The following ZNF469 variants were observed in gnomAD, a reference collection of about 807,000 sequenced individuals.
ZNF469 encodes the protein zinc finger protein 469.
A neutral mutation model predicts 1.0 loss-of-function variants in ZNF469; 1 was observed. That is an observed-to-expected ratio of 1.00 (90% CI 0.35 to 4.73). The LOEUF (loss-of-function observed/expected upper bound fraction) is 4.73, where lower values mean the gene tolerates loss of function less well. ZNF469 is among the 30% of genes most tolerant of loss of function. ZNF469 has a pLI of 0.16. For synonymous variants in ZNF469, 2,703 were observed against 2,363.4 expected, an observed-to-expected ratio of 1.14 and a Z score of -4.17; for missense variants, 6,100 against 5,356.3, an observed-to-expected ratio of 1.14 and a Z score of -4.33.
chr16:88,416,853 G>T (rs534821855), intron 1 of ZNF469, among the ~76,000 whole-genome samples: 1 of 152,202 alleles, frequency 6.6e-6, no homozygotes, highest in Non-Finnish European at 1.5e-5. Flanking sequence ...CCCGGGAGGG[G>T]TACCCAGGGC....
the ZNF469 span, chr16:88,193,462 G>A: frequency 6.6e-6 from 1 of 152,276 alleles, no homozygotes; most frequent in Non-Finnish European, 1.5e-5. Context: ...ACTTCGGAAG[G>A]CTGAGGCTGG....
chr16:88,414,683 C>G (rs987694126), intron 1 of ZNF469, among the ~76,000 whole-genome samples: 1 of 152,264 alleles, frequency 6.6e-6, no homozygotes, highest in African/African-American at 2.4e-5. Flanking sequence ...CTCTCGAGAA[C>G]AGGCCGAACC....
At chr16:88,378,955 C>G (rs1260003766), upstream of ZNF469, among the ~76,000 whole-genome samples, 1 of 152,342 alleles carries the variant, frequency 6.6e-6, no homozygotes, top group African/African-American at 2.4e-5. Flanking sequence ...GGGGTGCGGC[C>G]TTGCTCTCAA....
At chr16:88,158,311 C>T in the ZNF469 span, among the ~76,000 whole-genome samples, 173 of 152,026 alleles carry the variant, frequency 1.1e-3, no homozygotes, top group African/African-American at 3.9e-3. Flanking sequence ...GCTCTGTGCT[C>T]TCGCTGCTAG....
the ZNF469 span, among the ~76,000 whole-genome samples, chr16:88,343,840 A>T: frequency 6.6e-6 from 1 of 152,130 alleles, no homozygotes; most frequent in Non-Finnish European, 1.5e-5. Flanking sequence ...GAATTTCAAC[A>T]TGAGTTTTGC....
chr16:88,109,838 T>C, the ZNF469 span, among the ~76,000 whole-genome samples: 1 of 152,244 alleles, frequency 6.6e-6, no homozygotes. Flanking sequence ...AGCGTCTGTG[T>C]CCACGCTGTC....
the ZNF469 span, among the ~76,000 whole-genome samples, chr16:88,125,616 C>T: frequency 1.3e-5 from 2 of 152,286 alleles, no homozygotes; most frequent in South Asian, 2.1e-4. Flanking sequence ...CTCTCAGTAG[C>T]ATTTTATAGT....
At chr16:88,155,364 T>C in the ZNF469 span, among the ~76,000 whole-genome samples, 1 of 152,222 alleles carries the variant, frequency 6.6e-6, no homozygotes, top group Non-Finnish European at 1.5e-5. Context: ...TACAAGTCAG[T>C]GATGACTGGT....
chr16:88,291,931 G>A, the ZNF469 span, among the ~76,000 whole-genome samples: 362 of 152,294 alleles, frequency 2.4e-3, 1 homozygote, highest in African/African-American at 8.3e-3. Context: ...CAGGGCCTCT[G>A]GGGCTCAGCC....
chr16:88,427,052 C>T (rs1905735605), intron 2 of ZNF469, among the ~76,000 whole-genome samples: 1 of 152,146 alleles, frequency 6.6e-6, no homozygotes, highest in African/African-American at 2.4e-5. Context: ...TCCTCACACC[C>T]CAGAAAGCTC....
In ZNF469 at chr16:88,437,188, A is replaced by G; in HGVS notation, c.9718A>G (p.Arg3240Gly). Reference sequence around the variant, plus strand: ...CACGGAACCCGCGCCCAAACACCACAGGGGCAAGCGCTCCGCCGGCAAGGC... The same window carrying G: ...CACGGAACCCGCGCCCAAACACCACGGGGGCAAGCGCTCCGCCGGCAAGGC... ...SITEPAPKHH[R>G]GKRSAGKAAG... is the part of the protein sequence containing the mutation. The change falls in exon 3 of 3, where the codon AGG (arginine) becomes GGG (glycine). Residue 3240 changes from arginine to glycine, a missense_variant. By Grantham distance (125) the Arg-to-Gly change is moderately radical (BLOSUM62 -2). Coordinates refer to ENST00000565624, the MANE Select transcript of ZNF469 (RefSeq NM_001367624.2). The G allele has an allele frequency of 6.5e-7, 1 of 1,549,498 alleles. No homozygotes were observed.
the ZNF469 span, among the ~76,000 whole-genome samples, chr16:88,251,069 G>A: frequency 3.3e-5 from 5 of 152,148 alleles, no homozygotes; most frequent in African/African-American, 9.7e-5. Flanking sequence ...GTAGAGACGG[G>A]GTTTCACCTT....
the ZNF469 span, among the ~76,000 whole-genome samples, chr16:88,281,499 A>G: frequency 7.0e-5 from 9 of 129,234 alleles, no homozygotes; most frequent in East Asian, 2.6e-4. Flanking sequence ...GCACAGATTA[A>G]TGCTGGGCCA....
chr16:88,110,203 C>G, the ZNF469 span, among the ~76,000 whole-genome samples: 2 of 152,370 alleles, frequency 1.3e-5, no homozygotes, highest in Admixed American at 1.3e-4. Flanking sequence ...CGCCCCACCC[C>G]AGTACCCGTC....
the ZNF469 span, among the ~76,000 whole-genome samples, chr16:88,290,062 C>G: frequency 2.6e-5 from 4 of 152,204 alleles, no homozygotes; most frequent in Non-Finnish European, 5.9e-5. Flanking sequence ...TCCCTCAGAG[C>G]TCAGACAGCA....
the ZNF469 span, among the ~76,000 whole-genome samples, chr16:88,110,438 AG>A: frequency 6.6e-6 from 1 of 152,364 alleles, no homozygotes; most frequent in South Asian, 2.1e-4. Flanking sequence ...TGGCTCTCCC[AG>A]GTGTCGCTGA....
chr16:88,227,253 A>G, the ZNF469 span, among the ~76,000 whole-genome samples: 828 of 152,252 alleles, frequency 5.4e-3, 17 homozygotes, highest in African/African-American at 0.018. Context: ...TCTTGTTCCC[A>G]CTGTCTCCCC....
chr16:88,278,919 T>C, the ZNF469 span, among the ~76,000 whole-genome samples: 1 of 151,254 alleles, frequency 6.6e-6, no homozygotes, highest in Admixed American at 6.6e-5. Context: ...CGGTTAGTGC[T>C]GTGCCACGCT....
the ZNF469 span, among the ~76,000 whole-genome samples, chr16:88,354,200 A>T: frequency 6.6e-6 from 1 of 152,122 alleles, no homozygotes; most frequent in Non-Finnish European, 1.5e-5. Flanking sequence ...ACGGGCAGAA[A>T]GTCTGCCGCA....
Sources: allele counts gnomAD v4.1 joint callset (sites outside exome capture counted in the v4.1 genomes callset), GRCh38; gene constraint gnomAD v4.1.1; transcripts MANE v1.5; gene names NCBI Gene and HGNC (gene_info 2026-07-23, HGNC 2026-07-21).